Variants in COLGALT1 observed in about 807,000 individuals in gnomAD.
COLGALT1 encodes collagen beta(1-O)galactosyltransferase 1.
A neutral mutation model predicts 60.8 loss-of-function variants in COLGALT1; 43 were observed. The ratio of observed to expected loss-of-function variants is 0.71; its 90% confidence interval spans 0.55 to 0.91. The LOEUF is 0.91. Among genes scored for constraint, COLGALT1 ranks in the 40% least tolerant of loss-of-function variants. The pLI is 0.00. For missense variants in COLGALT1, 845 were observed against 880.0 expected (o/e 0.96, Z 0.50); for synonymous variants, 369 against 374.2 (o/e 0.99, Z 0.16).
intron 5 of COLGALT1, among the ~76,000 whole-genome samples, chr19:17,570,524 A>G (rs967441112): frequency 2.0e-5 from 3 of 152,018 alleles, no homozygotes; most frequent in African/African-American, 7.2e-5. Flanking sequence ...TAGGAATACA[A>G]ACGTGAGCTA....
chr19:17,560,503 G>A (rs1278505415), intron 3 of COLGALT1, 38 bp downstream of exon 3: 3 of 1,540,234 alleles, frequency 1.9e-6, no homozygotes, highest in East Asian at 4.5e-5. Flanking sequence ...ATCACAGGCA[G>A]GTCTGGGTAT....
rs1190294942 is a variant in COLGALT1, at chr19:17,581,238, C to T, written c.1663C>T (p.Leu555Phe). 1 of 1,610,988 alleles carries T rather than the reference C, an allele frequency of 6.2e-7. No homozygotes were observed. The stretch of plus-strand genomic sequence containing the variant: ...GCATGCCTTCTCTGTGGAGCCGCTG[C>T]TCATCTACCCCACACACTACACAGG... The part of the protein sequence containing the change: ...NLHAFSVEPL[L>F]IYPTHYTGDD... The change falls in exon 12 of 12, where the codon CTC (leucine) becomes TTC (phenylalanine). Residue 555 changes from leucine to phenylalanine, a missense_variant. By Grantham distance (22) the Leu-to-Phe change is conservative. Transcript: ENST00000252599.
rs1367287666 is a variant in COLGALT1 at position 17,558,186 on chromosome 19, G to A, written c.261-1125G>A. On this transcript the variant is annotated intron_variant, in intron 1 of 11. Transcript: ENST00000252599. ...ACTCCTGGCCTCAAGTGATTCACCCGCCTCGGCCTCCCAAAGTGCTGGAAT... is the reference window on the plus strand; with the variant it reads ...ACTCCTGGCCTCAAGTGATTCACCCACCTCGGCCTCCCAAAGTGCTGGAAT... 3.3e-5 allele frequency among the ~76,000 whole-genome samples: 5 copies of A among 151,566 alleles called. No individual in the cohort carries two copies. The East Asian group carries it at 6.0e-4, about 18-fold the overall frequency.
intron 1 of COLGALT1, 115 bp downstream of exon 1, chr19:17,556,088 G>T: frequency 8.7e-7 from 1 of 1,145,384 alleles, no homozygotes; most frequent in Non-Finnish European, 1.1e-6. Flanking sequence ...GCGGGTCCGC[G>T]CGTGCTTCCT....
chr19:17,564,821 C>T (rs982036501), intron 3 of COLGALT1, among the ~76,000 whole-genome samples: 1 of 152,030 alleles, frequency 6.6e-6, no homozygotes, highest in African/African-American at 2.4e-5. Flanking sequence ...GTTTTGCAAC[C>T]ACCACCTCTA....
intron 6 of COLGALT1, among the ~76,000 whole-genome samples, chr19:17,575,335 T>G (rs2076334997): frequency 6.6e-6 from 1 of 152,176 alleles, no homozygotes. Flanking sequence ...AAGCTCCGCT[T>G]CCTGGGTTCA....
chr19:17,569,935 C>T (rs148509970), intron 5 of COLGALT1, among the ~76,000 whole-genome samples: 3,503 of 120,136 alleles, frequency 0.029, 138 homozygotes, highest in African/African-American at 0.11. Context: ...CGCTCTGTCG[C>T]CCAGGCTGGA....
chr19:17,581,946 C>G lies in COLGALT1; in HGVS notation c.*502C>G, dbSNP rs1377927801. ...TTTTTTTTAAGAGTAGAGTCTGTCT[C>G]TGTCACCCAGGCTGGAGTGCAGTGG... On this transcript the variant is annotated 3_prime_UTR_variant, in exon 12 of 12. Transcript: ENST00000252599. 6.5e-6 allele frequency: 1 copy of G among 153,444 alleles called. No homozygotes were observed. Among genetic ancestry groups the G allele is most frequent in the Non-Finnish European group, 1.4e-5 (1 of 71,978 alleles). 9.5% of individuals were successfully genotyped at this position (153,444 alleles called of 1,614,324 possible).
rs2144816699 is a variant in COLGALT1 at position 17,560,340 on chromosome 19, C to T, written c.372-8C>T. 6.2e-7 allele frequency: 1 copy of T among 1,611,690 alleles called. No individual in the cohort carries two copies. Among genetic ancestry groups the T allele is most frequent in the East Asian group, 2.2e-5 (1 of 44,862 alleles). On this transcript the variant is annotated splice_polypyrimidine_tract_variant and splice_region_variant and intron_variant, in intron 2 of 11. Transcript: ENST00000252599. The stretch of plus-strand genomic sequence containing the variant: ...TGTGATGTCCACATCACAGCTGCCT[C>T]CCCATAGGTCCTACCCGGACGAGGA...
intron 6 of COLGALT1, among the ~76,000 whole-genome samples, chr19:17,573,959 G>C (rs2076326549): frequency 6.6e-6 from 1 of 152,138 alleles, no homozygotes. Context: ...TCCAGCCTGG[G>C]CAGCAGAGCC....
In COLGALT1 at chr19:17,559,341, G is replaced by A. The variant is rs1264496429; in HGVS notation, c.291G>A (p.Thr97=). 2.1e-5 allele frequency: 32 copies of A among 1,552,350 alleles called. No individual in the cohort carries two copies. The highest frequency in any genetic ancestry group is 3.9e-5 in the Admixed American group (2 of 51,000). ...WVATDHNMDN[T]STVLREWLVA... ...CTACGGACCACAACATGGATAACAC[G>A]TCAACTGTGCTGCGGGAGTGGCTGG... Residue 97 remains threonine, a synonymous_variant, in exon 2 of 12, where the codon ACG becomes ACA. Coordinates refer to ENST00000252599, the MANE Select transcript of COLGALT1 (RefSeq NM_024656.4).
intron 3 of COLGALT1, among the ~76,000 whole-genome samples, chr19:17,562,409 A>G (rs2076254585): frequency 6.6e-6 from 1 of 152,076 alleles, no homozygotes; most frequent in South Asian, 2.1e-4. Flanking sequence ...ATGCCTCTAA[A>G]TTCAGTACTT....
At chr19:17,571,728 A>C (rs1269201139) in intron 5 of COLGALT1, 1 of 152,140 alleles carries the variant, frequency 6.6e-6, no homozygotes, top group Non-Finnish European at 1.5e-5. Flanking sequence ...AAAAAAAAAG[A>C]TACACACTCA....
chr19:17,564,389 T>C lies in COLGALT1; in HGVS notation c.490-3017T>C, dbSNP rs560441497. Among the ~76,000 whole-genome samples, 11 of 150,208 alleles carry C rather than the reference T, an allele frequency of 7.3e-5. No individual in the cohort carries two copies. In the East Asian group the frequency reaches 1.9e-3, roughly 27 times the overall value. Reference sequence around the variant, plus strand: ...TGTGTGTATAATATAGATATACATATGAAACAAGAAAGAAAAACATCTACT... The same window carrying C: ...TGTGTGTATAATATAGATATACATACGAAACAAGAAAGAAAAACATCTACT... On this transcript the variant is annotated intron_variant, in intron 3 of 11. Coordinates refer to ENST00000252599, the MANE Select transcript of COLGALT1 (RefSeq NM_024656.4).
chr19:17,559,476 C>T (rs1029623794), intron 2 of COLGALT1, 55 bp downstream of exon 2: 31 of 1,320,874 alleles, frequency 2.3e-5, no homozygotes, highest in African/African-American at 2.9e-5. Flanking sequence ...TGCTCACACA[C>T]CCTCTATGGC....
At chr19:17,569,291 TC>T (rs1568477241) in intron 5 of COLGALT1, among the ~76,000 whole-genome samples, 1 of 152,190 alleles carries the variant, frequency 6.6e-6, no homozygotes, top group Non-Finnish European at 1.5e-5. Flanking sequence ...TGTAATTTTG[TC>T]ACGTGCATAG....
At position 17,577,931 on chromosome 19, in the gene COLGALT1, C is replaced by T. The variant is rs372073218; in HGVS notation, c.1134-26C>T. 1.3e-4 allele frequency: 206 copies of T among 1,586,384 alleles called. No homozygotes were observed. In the Middle Eastern group the frequency reaches 2.1e-3, roughly 16 times the overall value. Reference sequence around the variant, plus strand: ...AATGGCAGGCAGGGTGAACCTTCTTCGTGACCCTCTCCTCCTCCTCTCCAG... The same window carrying T: ...AATGGCAGGCAGGGTGAACCTTCTTTGTGACCCTCTCCTCCTCCTCTCCAG... On this transcript the variant is annotated intron_variant, in intron 8 of 11. Transcript: ENST00000252599.
At chr19:17,579,726 G>T in intron 10 of COLGALT1, 117 bp downstream of exon 10, 1 of 1,339,750 alleles carries the variant, frequency 7.5e-7, no homozygotes, top group East Asian at 2.4e-5. Context: ...GCTTAGAGGC[G>T]GGGCTTGAAG....
In COLGALT1 at chr19:17,555,827, C is replaced by T. The variant is rs7259723; in HGVS notation, c.114C>T (p.Phe38=). 693,657 of 1,298,894 alleles carry T rather than the reference C, an allele frequency of 0.53. 192,087 individuals carry two copies. Among genetic ancestry groups the T allele is most frequent in the Middle Eastern group, 0.59 (2,005 of 3,422 alleles). The allele number at this position is 1,298,894 out of a possible 1,614,324, so 80.5% of individuals were successfully genotyped here. Residue 38 remains phenylalanine (F), a synonymous_variant, in exon 1 of 12, where the codon TTC becomes TTT. Transcript: ENST00000252599. ...CCCCGCCGGGCGCCGACGCCTACTT[C>T]CCCGAGGAGCGCTGGAGCCCGGAGT... ...PGAPPGADAY[F]PEERWSPESP...
Sources: allele counts gnomAD v4.1 joint callset (sites outside exome capture counted in the v4.1 genomes callset), GRCh38; gene constraint gnomAD v4.1.1; transcripts MANE v1.5; gene names NCBI Gene and HGNC (gene_info 2026-07-23, HGNC 2026-07-21).